Variants in MACO1 observed in about 807,000 individuals in gnomAD.
The protein encoded by MACO1 is macoilin.
Under a neutral mutation model 78.7 loss-of-function variants are expected in MACO1, and 14 were observed. The ratio of observed to expected loss-of-function variants is 0.18; its 90% CI spans 0.12 to 0.28. The LOEUF is 0.28. Ranked by LOEUF, MACO1 falls within the 10% of genes least tolerant of loss-of-function variation. The probability of loss-of-function intolerance (pLI) is 1.00; values close to 1 mark genes in which losing one functional copy is unlikely to be tolerated. For missense variants in MACO1, 501 were observed against 799.0 expected (o/e 0.63, Z 4.50); for synonymous variants, 288 against 291.6 (o/e 0.99, Z 0.12).
intron 4 of MACO1, among the ~76,000 whole-genome samples, chr1:25,455,470 A>G (rs1256338475): frequency 6.6e-6 from 1 of 152,208 alleles, no homozygotes; most frequent in African/African-American, 2.4e-5. Context: ...AGTAAATTAA[A>G]TGAACTTGGT....
intron 6 of MACO1, among the ~76,000 whole-genome samples, chr1:25,459,154 G>A (rs375257392): frequency 1.3e-5 from 2 of 152,262 alleles, no homozygotes; most frequent in East Asian, 1.9e-4. Flanking sequence ...TCTTCTAGTC[G>A]TGTTGTAAGG....
chr1:25,449,745 G>C (rs900935891), intron 3 of MACO1, among the ~76,000 whole-genome samples: 1 of 152,290 alleles, frequency 6.6e-6, no homozygotes, highest in Middle Eastern at 3.4e-3. Context: ...GGGGCCAGGC[G>C]CAGTGGCTCA....
At chr1:25,491,354 A>G in intron 9 of MACO1, 56 bp from the exon 10 acceptor site, 1 of 1,603,302 alleles carries the variant, frequency 6.2e-7, no homozygotes, top group Admixed American at 1.7e-5. Flanking sequence ...AGGCTAATTT[A>G]TAGACATCGA....
chr1:25,465,983 A>G (rs1194982728), intron 6 of MACO1, among the ~76,000 whole-genome samples: 1 of 152,210 alleles, frequency 6.6e-6, no homozygotes, highest in African/African-American at 2.4e-5. Flanking sequence ...TTGTGTATGT[A>G]TACCACATTT....
intron 2 of MACO1, 93 bp from the exon 3 acceptor site, chr1:25,448,715 C>A: frequency 8.3e-7 from 1 of 1,209,170 alleles, no homozygotes; most frequent in Non-Finnish European, 1.1e-6. Flanking sequence ...TTAGCAGTTT[C>A]AATAATTTTG....
chr1:25,438,561 G>C (rs1371419567), intron 1 of MACO1, among the ~76,000 whole-genome samples: 1 of 152,244 alleles, frequency 6.6e-6, no homozygotes, highest in Non-Finnish European at 1.5e-5. Flanking sequence ...TAAATTCTAT[G>C]TGGAACTCTA....
intron 3 of MACO1, among the ~76,000 whole-genome samples, chr1:25,453,535 C>T (rs899620937): frequency 1.3e-5 from 2 of 150,668 alleles, no homozygotes; most frequent in African/African-American, 2.4e-5. Flanking sequence ...TGGTGGTGGG[C>T]GCCTATAGTC....
chr1:25,456,938 C>G, intron 5 of MACO1, 107 bp downstream of exon 5: 1 of 1,170,692 alleles, frequency 8.5e-7, no homozygotes, highest in Non-Finnish European at 1.2e-6. Flanking sequence ...TTTTTTCTGT[C>G]TAATGGTGTT....
chr1:25,448,212 C>T (rs1254541478), intron 2 of MACO1, among the ~76,000 whole-genome samples: 1 of 152,108 alleles, frequency 6.6e-6, no homozygotes, highest in Non-Finnish European at 1.5e-5. Context: ...CACCTGTAAT[C>T]CCAGCACTTT....
chr1:25,454,464 G>GTA (rs1206688329), intron 4 of MACO1, 82 bp downstream of exon 4: 25 of 178,220 alleles, frequency 1.4e-4, no homozygotes, highest in African/African-American at 9.5e-4. Context: ...GTGTGTGTGT[G>GTA]TGTGTGTATA....
chr1:25,487,727 T>TG (rs924857711), intron 8 of MACO1, among the ~76,000 whole-genome samples: 3 of 152,006 alleles, frequency 2.0e-5, no homozygotes, highest in African/African-American at 7.3e-5. Flanking sequence ...CCCTCAAAAG[T>TG]GGGGGGAAAA....
At chr1:25,456,028 G>A (rs1044836697) in intron 4 of MACO1, among the ~76,000 whole-genome samples, 2 of 152,112 alleles carry the variant, frequency 1.3e-5, no homozygotes, top group Non-Finnish European at 2.9e-5. Flanking sequence ...GGGAGGCCAA[G>A]GCGAGTGGAT....
intron 3 of MACO1, 26 bp from the exon 4 acceptor site, chr1:25,454,233 C>T (rs1321318017): frequency 1.9e-6 from 3 of 1,551,986 alleles, no homozygotes; most frequent in African/African-American, 2.7e-5. Context: ...TTTATTAATG[C>T]TTGCCTCTCT....
At chr1:25,462,257 C>T (rs1229914879) in intron 6 of MACO1, among the ~76,000 whole-genome samples, 1 of 152,102 alleles carries the variant, frequency 6.6e-6, no homozygotes, top group African/African-American at 2.4e-5. Flanking sequence ...CAAACTTCCC[C>T]AGGGATGCTT....
In MACO1 at chr1:25,498,316, C is replaced by T. The variant is rs1019894050; in HGVS notation, c.1845C>T (p.Ala615=). The change falls in exon 11 of 11, where the codon GCC becomes GCT. Residue 615 remains alanine, a synonymous_variant. Coordinates refer to ENST00000374343, the MANE Select transcript of MACO1 (RefSeq NM_018202.6). ...TCAAGGACCTAAAACAGAAGATAGC[C>T]GAAGTCATGGCCGTCATGCCCAGCA... ...QEIKDLKQKI[A]EVMAVMPSIT... 3.1e-6 allele frequency: 5 copies of T among 1,614,090 alleles called. No individual in the cohort carries two copies. Among genetic ancestry groups the T allele is most frequent in the Middle Eastern group, 1.6e-4 (1 of 6,062 alleles).
chr1:25,495,507 G>C (rs1274759862), intron 10 of MACO1, among the ~76,000 whole-genome samples: 1 of 152,050 alleles, frequency 6.6e-6, no homozygotes, highest in Non-Finnish European at 1.5e-5. Context: ...GAAGTGAGGG[G>C]GGCAGTTCCT....
At position 25,470,807 on chromosome 1, in the gene MACO1, C is replaced by T. The variant is rs549196538; in HGVS notation, c.1154+11915C>T. On this transcript the variant is annotated intron_variant, in intron 6 of 10. Transcript: ENST00000374343. ...CTTTGGGAGGCTGAGGCAGGTGGAT[C>T]AGTTGAGGTCAGGAGTTTGAGACCA... 2.0e-5 allele frequency among the ~76,000 whole-genome samples: 3 copies of T among 152,212 alleles called. No homozygotes were observed. In the East Asian group the frequency reaches 5.8e-4, roughly 29 times the overall value.
At chr1:25,442,632 T>G (rs1281926862) in intron 1 of MACO1, among the ~76,000 whole-genome samples, 1 of 152,156 alleles carries the variant, frequency 6.6e-6, no homozygotes, top group African/African-American at 2.4e-5. Flanking sequence ...TAATCATAGA[T>G]GATTAATCTA....
chr1:25,463,949 A>T (rs185144510), intron 6 of MACO1, among the ~76,000 whole-genome samples: 1 of 152,302 alleles, frequency 6.6e-6, no homozygotes, highest in Admixed American at 6.5e-5. Flanking sequence ...TCCCATTGTC[A>T]GCATCCCCCA....
Sources: gnomAD v4.1 joint callset for allele counts (sites outside exome capture counted in the v4.1 genomes callset) on GRCh38, gnomAD v4.1.1 for gene constraint, MANE v1.5 for transcripts, NCBI Gene and HGNC (gene_info 2026-07-23, HGNC 2026-07-21) for gene names.